RUNX2: variants seen among roughly 807,000 people sequenced by gnomAD.
The protein encoded by RUNX2 is RUNX family transcription factor 2.
RUNX2 carries 10 observed loss-of-function variants against 51.7 expected under a neutral mutation model. The ratio of observed to expected loss-of-function variants is 0.19; its 90% CI spans 0.12 to 0.33. The LOEUF (loss-of-function observed/expected upper bound fraction) is 0.33, where lower values mean the gene tolerates loss of function less well. Ranked by LOEUF, RUNX2 falls within the 10% of genes least tolerant of loss-of-function variation. The pLI is 1.00. For synonymous variants in RUNX2, 276 were observed against 273.6 expected, an observed-to-expected ratio of 1.01 and a Z score of -0.09; for missense variants, 562 against 691.3, an observed-to-expected ratio of 0.81 and a Z score of 2.10.
At chr6:45,535,162 G>T (rs78424589) in intron 7 of RUNX2, among the ~76,000 whole-genome samples, 6 of 151,978 alleles carry the variant, frequency 3.9e-5, no homozygotes, top group African/African-American at 1.5e-4. Context: ...ATACCTGGAC[G>T]ATGAAATAAT....
intron 5 of RUNX2, among the ~76,000 whole-genome samples, chr6:45,484,959 A>G (rs1393000039): frequency 2.6e-5 from 4 of 152,156 alleles, no homozygotes; most frequent in Non-Finnish European, 5.9e-5. Flanking sequence ...TTTTTACTCC[A>G]GGGATCATTG....
intron 2 of RUNX2, among the ~76,000 whole-genome samples, chr6:45,393,927 C>CTTT (rs758226180): frequency 1.4e-5 from 2 of 139,798 alleles, no homozygotes; most frequent in Non-Finnish European, 3.1e-5. Flanking sequence ...GTGCCACTTT[C>CTTT]TTTTTTTTTT....
chr6:45,421,559 C>G (rs1490259148), intron 2 of RUNX2: 4 of 152,206 alleles, frequency 2.6e-5, no homozygotes, highest in Non-Finnish European at 4.4e-5. Context: ...TTCTTTCCTC[C>G]TCTCCTGAAG....
chr6:45,417,967 C>G (rs1798099531), intron 2 of RUNX2, among the ~76,000 whole-genome samples: 1 of 152,198 alleles, frequency 6.6e-6, no homozygotes, highest in Admixed American at 6.5e-5. Flanking sequence ...GCTGCTTCTT[C>G]AAGGGCTGAG....
At chr6:45,393,170 T>C (rs1255887900) in intron 2 of RUNX2, among the ~76,000 whole-genome samples, 1 of 152,234 alleles carries the variant, frequency 6.6e-6, no homozygotes, top group African/African-American at 2.4e-5. Context: ...TCTGATAATT[T>C]CAAAATCTCT....
chr6:45,422,017 G>A (rs868824878), intron 2 of RUNX2: 1 of 149,152 alleles, frequency 6.7e-6, no homozygotes, highest in Non-Finnish European at 1.5e-5. Flanking sequence ...CAGCCCGCGC[G>A]GGGGGAGCGG....
chr6:45,330,393 C>T (rs1434746899), intron 2 of RUNX2, among the ~76,000 whole-genome samples: 1 of 151,938 alleles, frequency 6.6e-6, no homozygotes, highest in Non-Finnish European at 1.5e-5. Context: ...TACTGTTACA[C>T]AGAGGGATAA....
chr6:45,364,310 C>T (rs537193295), intron 2 of RUNX2, among the ~76,000 whole-genome samples: 46 of 152,204 alleles, frequency 3.0e-4, no homozygotes, highest in Non-Finnish European at 5.4e-4. Flanking sequence ...AAGACATCTG[C>T]TCAAACTCAT....
chr6:45,334,412 A>G (rs549597972), intron 2 of RUNX2, among the ~76,000 whole-genome samples: 2 of 145,558 alleles, frequency 1.4e-5, no homozygotes, highest in East Asian at 2.0e-4. Flanking sequence ...ATAGTCATGT[A>G]TCTTACACCT....
chr6:45,337,013 T>C (rs1311419154), intron 2 of RUNX2, among the ~76,000 whole-genome samples: 1 of 151,632 alleles, frequency 6.6e-6, no homozygotes, highest in East Asian at 1.9e-4. Flanking sequence ...TTAAAACTTA[T>C]GACATGAACA....
chr6:45,471,591 C>T (rs1471475871), intron 5 of RUNX2, among the ~76,000 whole-genome samples: 1 of 151,758 alleles, frequency 6.6e-6, no homozygotes, highest in Non-Finnish European at 1.5e-5. Context: ...ACTACAGGCG[C>T]CCACCACCAC....
chr6:45,461,055 A>C (rs1799462699), intron 5 of RUNX2, among the ~76,000 whole-genome samples: 1 of 152,234 alleles, frequency 6.6e-6, no homozygotes, highest in South Asian at 2.1e-4. Context: ...CATGTGTTAC[A>C]GGCACAGGGA....
chr6:45,442,681 A>G (rs1362224874), intron 5 of RUNX2, among the ~76,000 whole-genome samples: 1 of 152,224 alleles, frequency 6.6e-6, no homozygotes, highest in East Asian at 1.9e-4. Flanking sequence ...ACCCTCGAAT[A>G]TAACATCCAG....
chr6:45,509,176 G>A (rs1054996172), intron 6 of RUNX2, among the ~76,000 whole-genome samples: 14 of 152,126 alleles, frequency 9.2e-5, no homozygotes, highest in Non-Finnish European at 1.5e-5. Flanking sequence ...CACAGCCCAG[G>A]TCACAAGGCT....
intron 2 of RUNX2, among the ~76,000 whole-genome samples, chr6:45,404,358 G>T (rs991678311): frequency 8.6e-5 from 13 of 151,160 alleles, no homozygotes; most frequent in African/African-American, 3.2e-4. Flanking sequence ...AAGTGCAAAG[G>T]ACCCACCTTC....
At chr6:45,496,714 G>C (rs954196689) in intron 6 of RUNX2, among the ~76,000 whole-genome samples, 3 of 152,134 alleles carry the variant, frequency 2.0e-5, no homozygotes, top group African/African-American at 7.2e-5. Context: ...TGGGGGATGT[G>C]AAGCAAGGGA....
At chr6:45,522,283 T>C (rs1801528929) in intron 7 of RUNX2, among the ~76,000 whole-genome samples, 1 of 152,184 alleles carries the variant, frequency 6.6e-6, no homozygotes, top group Admixed American at 6.5e-5. Flanking sequence ...ATAAAGCAAA[T>C]GTGATGGTTA....
At chr6:45,440,681 C>A (rs146958929) in intron 5 of RUNX2, among the ~76,000 whole-genome samples, 1 of 151,426 alleles carries the variant, frequency 6.6e-6, no homozygotes, top group Non-Finnish European at 1.5e-5. Context: ...GGAATATTTG[C>A]GTATATAATG....
intron 2 of RUNX2, among the ~76,000 whole-genome samples, chr6:45,382,187 C>T (rs1050175579): frequency 7.2e-5 from 11 of 152,252 alleles, no homozygotes; most frequent in East Asian, 1.9e-4. Flanking sequence ...TACATTTCAA[C>T]GGATTGTTGT....
Sources: gnomAD v4.1 joint callset for allele counts (sites outside exome capture counted in the v4.1 genomes callset) on GRCh38, gnomAD v4.1.1 for gene constraint, MANE v1.5 for transcripts, NCBI Gene and HGNC (gene_info 2026-07-23, HGNC 2026-07-21) for gene names.